Variants in LYZL2 observed in about 807,000 individuals in gnomAD.
The protein encoded by LYZL2 is lysozyme like 2.
Under a neutral mutation model 17.1 loss-of-function variants are expected in LYZL2, and 13 were observed. That is an observed-to-expected ratio of 0.76 (90% confidence interval 0.49 to 1.21). The LOEUF (loss-of-function observed/expected upper bound fraction) is 1.21. Ranked by LOEUF, LYZL2 falls within the 50% of genes most tolerant of loss-of-function variation. LYZL2 has a pLI of 0.00. For synonymous variants in LYZL2, 63 were observed against 74.4 expected (o/e 0.85, Z 0.79); for missense variants, 166 against 189.2 (o/e 0.88, Z 0.72).
chr10:30,622,133 C>T (rs948681431), intron 3 of LYZL2, among the ~76,000 whole-genome samples: 1 of 151,898 alleles, frequency 6.6e-6, no homozygotes, highest in Non-Finnish European at 1.5e-5. Context: ...GCTAACAAAC[C>T]AATGGAGGAA....
chr10:30,627,564 T>C (rs1262698232), intron 1 of LYZL2, among the ~76,000 whole-genome samples: 1 of 152,210 alleles, frequency 6.6e-6, no homozygotes, highest in Non-Finnish European at 1.5e-5. Flanking sequence ...CTCTTCCTTA[T>C]GATTTTCTTA....
downstream of LYZL2, among the ~76,000 whole-genome samples, chr10:30,609,821 A>T (rs1838412342): frequency 6.6e-6 from 1 of 152,238 alleles, no homozygotes; most frequent in African/African-American, 2.4e-5. Context: ...TGAAGGCATT[A>T]ATTATGGAAA....
intron 3 of LYZL2, among the ~76,000 whole-genome samples, chr10:30,624,141 C>G (rs774196808): frequency 3.3e-5 from 5 of 152,152 alleles, no homozygotes; most frequent in East Asian, 1.9e-4. Flanking sequence ...AGTATCTCAT[C>G]TTTGCCCTGA....
At chr10:30,608,642 C>A (rs188867454), downstream of LYZL2, among the ~76,000 whole-genome samples, 706 of 152,308 alleles carry the variant, frequency 4.6e-3, 5 homozygotes, top group African/African-American at 0.016. Flanking sequence ...GCGATAGTTA[C>A]CCCTTCCGTA....
chr10:30,612,063 GT>G (rs1564406285), intron 4 of LYZL2, 39 bp from the exon 5 acceptor site: 3 of 1,605,892 alleles, frequency 1.9e-6, no homozygotes, highest in Admixed American at 3.4e-5. Context: ...AGAAAGAAGC[GT>G]GACAATCCAA....
At chr10:30,619,515 A>G (rs1348853400) in intron 3 of LYZL2, among the ~76,000 whole-genome samples, 2 of 152,130 alleles carry the variant, frequency 1.3e-5, no homozygotes, top group Admixed American at 1.3e-4. Context: ...GGATGAGTTC[A>G]TGTCCTTTGT....
intron 3 of LYZL2, 115 bp downstream of exon 3, chr10:30,625,990 C>T: frequency 6.8e-7 from 1 of 1,471,516 alleles, no homozygotes; most frequent in Non-Finnish European, 9.2e-7. Flanking sequence ...TTGAACAGAC[C>T]TATTTGCAAG....
At chr10:30,620,281 G>C (rs953810103) in intron 3 of LYZL2, among the ~76,000 whole-genome samples, 1 of 152,198 alleles carries the variant, frequency 6.6e-6, no homozygotes, top group African/African-American at 2.4e-5. Flanking sequence ...GCACCAAGAG[G>C]ATCGCCCAGA....
intron 1 of LYZL2, among the ~76,000 whole-genome samples, chr10:30,628,166 A>T (rs1250416540): frequency 6.6e-6 from 1 of 152,170 alleles, no homozygotes; most frequent in Non-Finnish European, 1.5e-5. Context: ...CCTCAAAAAA[A>T]AAAAGATTCA....
At chr10:30,617,476 G>T (rs2132940250) in intron 3 of LYZL2, among the ~76,000 whole-genome samples, 1 of 152,052 alleles carries the variant, frequency 6.6e-6, no homozygotes, top group African/African-American at 2.4e-5. Context: ...AGGAGTTTGA[G>T]ACCAGCCTGG....
In LYZL2 at chr10:30,612,847, T is replaced by C; in HGVS notation, c.352A>G (p.Lys118Glu). Reference protein sequence around the residue: ...DAIICAKKIVKETQGMNYWQG... With the variant: ...DAIICAKKIVEETQGMNYWQG... ...CAATAGTTCATTCCTTGTGTCTCTT[T>C]AACAATTTTCTTGGCACAGATAATC... Residue 118 changes from lysine (K) to glutamate (E), a missense_variant, in exon 4 of 5, where the codon AAA becomes GAA. Lys to Glu is a moderately conservative substitution (Grantham distance 56). This residue lies in a region of LYZL2 where 134 missense variants were observed against 129.4 expected (regional missense o/e 1.04). Transcript: ENST00000647634. 6.2e-7 allele frequency: 1 copy of C among 1,613,870 alleles called. No individual in the cohort carries two copies. Among genetic ancestry groups the C allele is most frequent in the South Asian group, 1.1e-5 (1 of 91,062 alleles).
intron 3 of LYZL2, among the ~76,000 whole-genome samples, chr10:30,620,965 A>T (rs558424962): frequency 1.3e-5 from 2 of 152,334 alleles, no homozygotes; most frequent in African/African-American, 4.8e-5. Flanking sequence ...AACCTCAATG[A>T]TGAATGGTAC....
rs188553202 is a variant in LYZL2, at chr10:30,623,084, A to G, written c.298+3021T>C. Among the ~76,000 whole-genome samples, 16 of 152,372 alleles carry G rather than the reference A, an allele frequency of 1.1e-4. No individual in the cohort carries two copies. In the East Asian group the frequency reaches 2.9e-3, roughly 28 times the overall value. ...GAAACTTGGACTCCAGTGATAAAAG[A>G]GTCAATTCACCACAAGGACATAACA... On this transcript the variant is annotated intron_variant, in intron 3 of 4. Coordinates refer to ENST00000647634, the MANE Select transcript of LYZL2 (RefSeq NM_183058.3).
At chr10:30,609,025 A>T (rs1453283624), downstream of LYZL2, among the ~76,000 whole-genome samples, 1 of 152,102 alleles carries the variant, frequency 6.6e-6, no homozygotes, top group Non-Finnish European at 1.5e-5. Flanking sequence ...TTTTTTGTAG[A>T]GATGGGGTCT....
At chr10:30,611,611 G>GAA (rs1276186380), downstream of LYZL2, among the ~76,000 whole-genome samples, 1 of 140,476 alleles carries the variant, frequency 7.1e-6, no homozygotes, top group Non-Finnish European at 1.5e-5. Flanking sequence ...AAGAAAGAAA[G>GAA]AAAGAGAAAG....
downstream of LYZL2, among the ~76,000 whole-genome samples, chr10:30,609,375 C>G (rs1004599797): frequency 2.0e-5 from 3 of 152,110 alleles, no homozygotes; most frequent in African/African-American, 7.2e-5. Flanking sequence ...CTTGAACAGG[C>G]TTTAGGGGAG....
Position 30,612,964 on chromosome 10 carries a change from A to C in LYZL2, c.299-64T>G, listed in dbSNP as rs147142069. 5.7e-4 allele frequency: 712 copies of C among 1,255,788 alleles called. 1 individual carries two copies. The highest frequency in any genetic ancestry group is 7.6e-4 in the Non-Finnish European group (657 of 865,332). 77.8% of individuals were successfully genotyped at this position (1,255,788 alleles called of 1,614,324 possible). Reference sequence around the variant, plus strand: ...GTTGTTGGAGAGGGACCCCAACTCAAGTTTACTTCATTTTTCTCAGTCTTT... The same window carrying C: ...GTTGTTGGAGAGGGACCCCAACTCACGTTTACTTCATTTTTCTCAGTCTTT... On this transcript the variant is annotated intron_variant, in intron 3 of 4. Coordinates refer to ENST00000647634, the MANE Select transcript of LYZL2 (RefSeq NM_183058.3).
intron 3 of LYZL2, among the ~76,000 whole-genome samples, chr10:30,624,948 G>A (rs1358805999): frequency 6.6e-6 from 1 of 152,214 alleles, no homozygotes; most frequent in Non-Finnish European, 1.5e-5. Flanking sequence ...CTGTGAAGAT[G>A]GAGTAAGGGG....
intron 1 of LYZL2, among the ~76,000 whole-genome samples, chr10:30,628,961 A>G (rs1249219339): frequency 2.6e-5 from 4 of 152,332 alleles, no homozygotes; most frequent in South Asian, 2.1e-4. Flanking sequence ...GCAGTGGCAG[A>G]GTTGAGTAGC....
Sources: gnomAD v4.1 joint callset for allele counts (sites outside exome capture counted in the v4.1 genomes callset) on GRCh38, gnomAD v4.1.1 for gene constraint, gnomAD v4.1.1 regional missense constraint, MANE v1.5 for transcripts, NCBI Gene and HGNC (gene_info 2026-07-23, HGNC 2026-07-21) for gene names.